The following RAB11FIP4 variants were observed in gnomAD, a reference collection of about 807,000 sequenced individuals.
RAB11FIP4 encodes the protein RAB11 family interacting protein 4.
A neutral mutation model predicts 74.3 loss-of-function variants in RAB11FIP4; 23 were observed. That is an observed-to-expected ratio of 0.31 (90% CI 0.22 to 0.44). RAB11FIP4 has a LOEUF of 0.44. RAB11FIP4 is among the 20% of genes least tolerant of loss of function. The pLI is 1.00. For synonymous variants in RAB11FIP4, 360 were observed against 359.9 expected (o/e 1.00, Z 0.00); for missense variants, 630 against 863.9 (o/e 0.73, Z 3.39).
chr17:31,530,287 C>G (rs199531427), intron 13 of RAB11FIP4, 39 bp from the exon 14 acceptor site: 171 of 1,609,874 alleles, frequency 1.1e-4, no homozygotes, highest in Non-Finnish European at 1.3e-4. Flanking sequence ...CTGTGGATGC[C>G]TCTTGGGGTT....
At chr17:31,462,297 G>T (rs1028423567) in intron 3 of RAB11FIP4, among the ~76,000 whole-genome samples, 1 of 151,792 alleles carries the variant, frequency 6.6e-6, no homozygotes, top group Non-Finnish European at 1.5e-5. Context: ...AAAAAACAGG[G>T]CCTAGGTTCT....
At chr17:31,395,907 C>G (rs898906417) in intron 1 of RAB11FIP4, among the ~76,000 whole-genome samples, 2 of 152,066 alleles carry the variant, frequency 1.3e-5, no homozygotes, top group African/African-American at 2.4e-5. Flanking sequence ...ATGGGCCGGG[C>G]GTGGTGGCTC....
chr17:31,488,301 G>A, intron 3 of RAB11FIP4: 1 of 1,173,148 alleles, frequency 8.5e-7, no homozygotes, highest in Non-Finnish European at 1.1e-6. Context: ...GCTGGCGCTC[G>A]CAGGGCTCCG....
intron 1 of RAB11FIP4, among the ~76,000 whole-genome samples, chr17:31,420,490 C>T (rs2071188683): frequency 1.3e-5 from 2 of 152,140 alleles, no homozygotes; most frequent in South Asian, 4.1e-4. Context: ...ACCTTGGCCT[C>T]CCAAAGTGCT....
At chr17:31,423,861 T>C (rs891937725) in intron 1 of RAB11FIP4, among the ~76,000 whole-genome samples, 1 of 152,060 alleles carries the variant, frequency 6.6e-6, no homozygotes, top group Non-Finnish European at 1.5e-5. Context: ...GGCCCCTTTT[T>C]CTCATTTTTT....
rs1328407161 is a variant in RAB11FIP4, at chr17:31,537,929, C to G, written c.*6197C>G. On this transcript the variant is annotated 3_prime_UTR_variant, in exon 15 of 15. Transcript: ENST00000621161. ...ATGAACTACACATGTGGCCTCATGCCCAAGGGTTTGTTAGATGGCCTCTGA... is the reference window on the plus strand; with the variant it reads ...ATGAACTACACATGTGGCCTCATGCGCAAGGGTTTGTTAGATGGCCTCTGA... 6.6e-6 allele frequency: 1 copy of G among 152,670 alleles called. No homozygotes were observed. Among genetic ancestry groups the G allele is most frequent in the African/African-American group, 2.4e-5 (1 of 41,454 alleles). The allele number at this position is 152,670 out of a possible 1,614,324, so 9.5% of individuals were successfully genotyped here.
intron 3 of RAB11FIP4, among the ~76,000 whole-genome samples, chr17:31,516,394 G>A (rs922413514): frequency 1.3e-5 from 2 of 152,090 alleles, no homozygotes; most frequent in African/African-American, 4.8e-5. Context: ...AGGGTGTCCA[G>A]GTTCTTAGCG....
At chr17:31,501,588 G>A (rs534922407) in intron 3 of RAB11FIP4, among the ~76,000 whole-genome samples, 1 of 152,232 alleles carries the variant, frequency 6.6e-6, no homozygotes, top group African/African-American at 2.4e-5. Flanking sequence ...GAGTGCAGTG[G>A]CGCGATCTCG....
chr17:31,525,176 C>G lies in RAB11FIP4; in HGVS notation c.1220C>G (p.Ala407Gly). ...GAGGAGGCGCGGCGCCACCGCGAGG[C>G]CTACGGCAAGCTGGAGAGGGAGAAG... ...LEEEARRHRE[A>G]YGKLEREKAT... is the part of the protein sequence containing the mutation. The change falls in exon 10 of 15, where the codon GCC (alanine) becomes GGC (glycine). Residue 407 changes from alanine to glycine, a missense_variant. By Grantham distance (60) the Ala-to-Gly change is moderately conservative. Coordinates refer to ENST00000621161, the MANE Select transcript of RAB11FIP4 (RefSeq NM_032932.6). The G allele has an allele frequency of 1.3e-6, 2 of 1,549,260 alleles. No homozygotes were observed. The highest frequency in any genetic ancestry group is 1.7e-6 in the Non-Finnish European group (2 of 1,146,944).
intron 3 of RAB11FIP4, among the ~76,000 whole-genome samples, chr17:31,490,531 T>C (rs955270476): frequency 6.6e-6 from 1 of 151,840 alleles, no homozygotes; most frequent in Non-Finnish European, 1.5e-5. Context: ...ACAGGGCTCA[T>C]TGTGTTTGAA....
Position 31,427,213 on chromosome 17 carries a change from A to G in RAB11FIP4, c.160-4600A>G, listed in dbSNP as rs560319979. Reference sequence around the variant, plus strand: ...TGACCTCAGGTGATCCACCTACCTCAGCCTCCCGAAGTGCTGGGATTATAG... The same window carrying G: ...TGACCTCAGGTGATCCACCTACCTCGGCCTCCCGAAGTGCTGGGATTATAG... On this transcript the variant is annotated intron_variant, in intron 1 of 14. Transcript: ENST00000621161. 3.4e-3 allele frequency among the ~76,000 whole-genome samples: 510 copies of G among 152,050 alleles called. 4 individuals are homozygous for G. The highest frequency in any genetic ancestry group is 6.8e-3 in the Middle Eastern group (2 of 292).
intron 3 of RAB11FIP4, among the ~76,000 whole-genome samples, chr17:31,488,613 G>C (rs1274323878): frequency 6.6e-6 from 1 of 152,226 alleles, no homozygotes; most frequent in Non-Finnish European, 1.5e-5. Context: ...CCGTACCCTT[G>C]GGCCGGGTCC....
chr17:31,461,472 C>T (rs939044505), intron 3 of RAB11FIP4, among the ~76,000 whole-genome samples: 7 of 152,318 alleles, frequency 4.6e-5, no homozygotes, highest in Middle Eastern at 6.8e-3. Context: ...AATATCCCAG[C>T]GCCCCTCTGG....
At chr17:31,521,107 C>T (rs925102433) in intron 4 of RAB11FIP4, 59 bp from the exon 5 acceptor site, 67 of 1,333,994 alleles carry the variant, frequency 5.0e-5, no homozygotes, top group Non-Finnish European at 6.2e-5. Context: ...TTCCCCACCA[C>T]GGGCTGTGGC....
At chr17:31,399,685 C>T (rs1247293360) in intron 1 of RAB11FIP4, among the ~76,000 whole-genome samples, 1 of 151,848 alleles carries the variant, frequency 6.6e-6, no homozygotes, top group East Asian at 1.9e-4. Context: ...TGCACTCCAG[C>T]CTGGATGACA....
In RAB11FIP4 at chr17:31,485,049, G is replaced by C. The variant is rs1291492200; in HGVS notation, c.337-32602G>C. Reference sequence around the variant, plus strand: ...TCACTCATGCTGCTGGTAGTGACTAGGAACTGCCATTTATTGAGCACCTGC... The same window carrying C: ...TCACTCATGCTGCTGGTAGTGACTACGAACTGCCATTTATTGAGCACCTGC... On this transcript the variant is annotated intron_variant, in intron 3 of 14. Coordinates refer to ENST00000621161, the MANE Select transcript of RAB11FIP4 (RefSeq NM_032932.6). Among the ~76,000 whole-genome samples the C allele has an allele frequency of 2.0e-5, 3 of 152,170 alleles. No homozygotes were observed. The East Asian group carries it at 5.8e-4, about 29-fold the overall frequency.
At chr17:31,469,722 G>A (rs112430834) in intron 3 of RAB11FIP4, among the ~76,000 whole-genome samples, 5 of 151,574 alleles carry the variant, frequency 3.3e-5, no homozygotes, top group Admixed American at 1.3e-4. Flanking sequence ...GAGACATTAC[G>A]AAAGAGTAGG....
chr17:31,414,510 G>A (rs1374795855), intron 1 of RAB11FIP4, among the ~76,000 whole-genome samples: 1 of 152,364 alleles, frequency 6.6e-6, no homozygotes, highest in South Asian at 2.1e-4. Context: ...CCTTGTGGGT[G>A]GCCGGAGGGA....
intron 3 of RAB11FIP4, among the ~76,000 whole-genome samples, chr17:31,456,789 G>A (rs2071582654): frequency 6.6e-6 from 1 of 152,092 alleles, no homozygotes; most frequent in African/African-American, 2.4e-5. Context: ...CTGTCAGGAA[G>A]AGATAAAAAG....
Sources: gnomAD v4.1 joint callset for allele counts (sites outside exome capture counted in the v4.1 genomes callset) on GRCh38, gnomAD v4.1.1 for gene constraint, MANE v1.5 for transcripts, NCBI Gene and HGNC (gene_info 2026-07-23, HGNC 2026-07-21) for gene names.